Variants in DGKI observed in about 807,000 individuals in gnomAD.
DGKI encodes DAG kinase iota.
Under a neutral mutation model 147.5 loss-of-function variants are expected in DGKI, and 55 were observed. The ratio of observed to expected loss-of-function variants is 0.37; its 90% CI spans 0.30 to 0.47. The LOEUF (loss-of-function observed/expected upper bound fraction) is 0.47, where lower values mean the gene tolerates loss of function less well. Among genes scored for constraint, DGKI ranks in the 20% least tolerant of loss-of-function variants. The pLI is 1.00. For synonymous variants in DGKI, 469 were observed against 477.1 expected (o/e 0.98, Z 0.22); for missense variants, 1,007 against 1,323.8 (o/e 0.76, Z 3.71).
chr7:137,403,176 C>G (rs1343780581), intron 30 of DGKI, among the ~76,000 whole-genome samples: 3 of 152,158 alleles, frequency 2.0e-5, no homozygotes, highest in Non-Finnish European at 2.9e-5. Flanking sequence ...TCCTTAGTCT[C>G]TCTCCCAGTC....
chr7:137,518,558 T>A (rs892572175), intron 21 of DGKI, among the ~76,000 whole-genome samples: 2 of 152,094 alleles, frequency 1.3e-5, no homozygotes, highest in African/African-American at 4.8e-5. Context: ...ATACAACAAA[T>A]GTTAATTCCC....
intron 1 of DGKI, among the ~76,000 whole-genome samples, chr7:137,748,395 C>T (rs1316335310): frequency 1.3e-5 from 2 of 148,922 alleles, no homozygotes; most frequent in East Asian, 3.9e-4. Flanking sequence ...AACTGAAATA[C>T]AGAATATTAT....
At chr7:137,522,369 G>A (rs1226605607) in intron 20 of DGKI, among the ~76,000 whole-genome samples, 2 of 151,998 alleles carry the variant, frequency 1.3e-5, no homozygotes, top group African/African-American at 4.8e-5. Context: ...ATGGTCAGGG[G>A]CAGCCTGACC....
At chr7:137,494,382 A>T (rs1288627699) in intron 21 of DGKI, among the ~76,000 whole-genome samples, 2 of 152,168 alleles carry the variant, frequency 1.3e-5, no homozygotes, top group African/African-American at 4.8e-5. Flanking sequence ...AGATTCTCCA[A>T]GGAAAAAATG....
intron 28 of DGKI, among the ~76,000 whole-genome samples, chr7:137,425,777 T>A (rs1422052142): frequency 1.3e-5 from 2 of 152,124 alleles, no homozygotes. Flanking sequence ...GCCGATGCGA[T>A]CAACTGGAAG....
At chr7:137,824,816 T>G (rs1411404209) in intron 1 of DGKI, among the ~76,000 whole-genome samples, 1 of 152,208 alleles carries the variant, frequency 6.6e-6, no homozygotes, top group Non-Finnish European at 1.5e-5. Flanking sequence ...AGTATTTGGT[T>G]TTCTGTTCCT....
chr7:137,632,355 G>C (rs1178763510), intron 6 of DGKI, among the ~76,000 whole-genome samples: 1 of 152,170 alleles, frequency 6.6e-6, no homozygotes, highest in Admixed American at 6.5e-5. Flanking sequence ...AAGTCCCCAG[G>C]AGAAGAATCT....
chr7:137,544,650 G>A (rs1817808491), intron 20 of DGKI, among the ~76,000 whole-genome samples: 1 of 152,092 alleles, frequency 6.6e-6, no homozygotes, highest in South Asian at 2.1e-4. Flanking sequence ...GTTAGATATT[G>A]TGCAATTCTA....
intron 1 of DGKI, among the ~76,000 whole-genome samples, chr7:137,713,971 TACC>T (rs1228948128): frequency 6.6e-6 from 1 of 152,186 alleles, no homozygotes; most frequent in Non-Finnish European, 1.5e-5. Context: ...GATATTTTCT[TACC>T]ACCAATTTTT....
chr7:137,399,271 A>G (rs1054545619), intron 30 of DGKI, among the ~76,000 whole-genome samples: 1 of 152,138 alleles, frequency 6.6e-6, no homozygotes, highest in Non-Finnish European at 1.5e-5. Context: ...AAATTATTCT[A>G]TATTTGTTGA....
At chr7:137,453,924 G>GT (rs56891185) in intron 27 of DGKI, among the ~76,000 whole-genome samples, 29,006 of 138,232 alleles carry the variant, frequency 0.21, 3,970 homozygotes, top group East Asian at 0.65. Context: ...GAAATATCTT[G>GT]TTTTTTTTTT....
intron 20 of DGKI, among the ~76,000 whole-genome samples, chr7:137,535,773 G>A (rs1445274913): frequency 1.3e-5 from 2 of 152,022 alleles, no homozygotes; most frequent in Admixed American, 6.6e-5. Context: ...AGTGTATTGC[G>A]CCTTTACATA....
chr7:137,441,849 C>T (rs1813522876), intron 28 of DGKI, among the ~76,000 whole-genome samples: 1 of 152,144 alleles, frequency 6.6e-6, no homozygotes, highest in Admixed American at 6.5e-5. Flanking sequence ...CTCACCTCTC[C>T]TACAAGTGTG....
intron 1 of DGKI, among the ~76,000 whole-genome samples, chr7:137,842,095 T>C (rs148330779): frequency 3.3e-4 from 51 of 152,322 alleles, no homozygotes; most frequent in Middle Eastern, 3.4e-3. Context: ...AACCAAGATC[T>C]TAATCTGATC....
intron 1 of DGKI, among the ~76,000 whole-genome samples, chr7:137,816,434 A>C (rs1282492723): frequency 6.6e-6 from 1 of 152,194 alleles, no homozygotes; most frequent in Non-Finnish European, 1.5e-5. Context: ...GCCTAGTATC[A>C]ATGGTAAAAA....
At chr7:137,806,547 C>T (rs1239172717) in intron 1 of DGKI, among the ~76,000 whole-genome samples, 8 of 152,128 alleles carry the variant, frequency 5.3e-5, no homozygotes, top group Non-Finnish European at 1.2e-4. Flanking sequence ...CATTCTCCTG[C>T]CTCATCCTCC....
chr7:137,642,910 A>T (rs913820139), intron 6 of DGKI, among the ~76,000 whole-genome samples: 2 of 145,014 alleles, frequency 1.4e-5, no homozygotes, highest in African/African-American at 5.1e-5. Flanking sequence ...ACTCCATCCC[A>T]ATGAGTAAAT....
intron 3 of DGKI, 48 bp from the exon 4 acceptor site, chr7:137,656,588 TC>T (rs1822233343): frequency 1.3e-6 from 2 of 1,560,798 alleles, no homozygotes; most frequent in Non-Finnish European, 1.8e-6. Flanking sequence ...AACAGTCTGT[TC>T]TGAAGAGTTC....
At chr7:137,663,563 C>G (rs1448399928) in intron 3 of DGKI, among the ~76,000 whole-genome samples, 2 of 152,132 alleles carry the variant, frequency 1.3e-5, no homozygotes, top group Non-Finnish European at 2.9e-5. Flanking sequence ...TCCTGGGTGT[C>G]TATGTACAGG....
Sources: gnomAD v4.1 joint callset for allele counts (sites outside exome capture counted in the v4.1 genomes callset) on GRCh38, gnomAD v4.1.1 for gene constraint, MANE v1.5 for transcripts, NCBI Gene and HGNC (gene_info 2026-07-23, HGNC 2026-07-21) for gene names.